The following NIBAN1 variants were observed in gnomAD, a reference collection of about 807,000 sequenced individuals.
NIBAN1 encodes the protein protein Niban 1.
A neutral mutation model predicts 75.1 loss-of-function variants in NIBAN1; 81 were observed. The observed-to-expected ratio is 1.08, with a 90% confidence interval of 0.90 to 1.30. NIBAN1 has a LOEUF of 1.30. NIBAN1 is among the 50% of genes most tolerant of loss of function. NIBAN1 has a pLI of 0.00. For missense variants in NIBAN1, 1,133 were observed against 1,128.1 expected (o/e 1.00, Z -0.06); for synonymous variants, 436 against 424.8 (o/e 1.03, Z -0.32).
In NIBAN1 at chr1:184,899,389, C is replaced by T. The variant is rs1571557862; in HGVS notation, c.56-80G>A. 5.5e-6 allele frequency: 8 copies of T among 1,444,334 alleles called. No individual in the cohort carries two copies. In the East Asian group the frequency reaches 1.7e-4, roughly 30 times the overall value. The allele number at this position is 1,444,334 out of a possible 1,614,324, so 89.5% of individuals were successfully genotyped here. A position where few individuals can be genotyped will look rare whatever the true frequency, so the allele number is the denominator to read the frequency against. On this transcript the variant is annotated intron_variant, in intron 1 of 13. Transcript: ENST00000367511. ...CTACAGAGTTCCAAAAACCATCCCT[C>T]CAGTCTCTCTGTTTCTATCCCTCCA...
Position 184,823,493 on chromosome 1 carries a change from G to A in NIBAN1, c.822+145C>T, listed in dbSNP as rs369239659. The A allele has an allele frequency of 8.1e-6, 10 of 1,232,390 alleles. 1 individual carries two copies. The African/African-American group carries it at 1.2e-4, about 15-fold the overall frequency. The allele number at this position is 1,232,390 out of a possible 1,614,324, so 76.3% of individuals were successfully genotyped here. ...GGAGTCTGTTTGGAACAGTCTTCTT[G>A]TAAGTGAGACTCAGCAGGTTCGAAG... On this transcript the variant is annotated intron_variant, in intron 7 of 13. Coordinates refer to ENST00000367511, the MANE Select transcript of NIBAN1 (RefSeq NM_052966.4).
intron 5 of NIBAN1, among the ~76,000 whole-genome samples, chr1:184,855,717 G>A (rs1571521479): frequency 1.3e-5 from 2 of 152,010 alleles, no homozygotes; most frequent in Admixed American, 6.6e-5. Context: ...CATTGGCCCC[G>A]AACTAGAATA....
At chr1:184,810,019 C>T (rs1040312310) in intron 9 of NIBAN1, among the ~76,000 whole-genome samples, 2 of 151,838 alleles carry the variant, frequency 1.3e-5, no homozygotes, top group Non-Finnish European at 2.9e-5. Context: ...ACACGAGTTG[C>T]TTGAGGGGAG....
chr1:184,922,293 T>C (rs1657575014), intron 1 of NIBAN1, among the ~76,000 whole-genome samples: 1 of 152,214 alleles, frequency 6.6e-6, no homozygotes, highest in Non-Finnish European at 1.5e-5. Flanking sequence ...CAATAAATTA[T>C]TGTTGACTGT....
At chr1:184,924,938 T>C (rs77221036) in intron 1 of NIBAN1, among the ~76,000 whole-genome samples, 2,950 of 152,236 alleles carry the variant, frequency 0.019, 51 homozygotes, top group South Asian at 0.047. Flanking sequence ...TGACTAAAGT[T>C]TGTCAATTTT....
chr1:184,831,897 C>A lies in NIBAN1; in HGVS notation c.667G>T (p.Glu223Ter). 6.2e-7 allele frequency: 1 copy of A among 1,614,152 alleles called. No homozygotes were observed. Among genetic ancestry groups the A allele is most frequent in the Non-Finnish European group, 8.5e-7 (1 of 1,180,016 alleles). ...TCCCAGGAACCATAGTGACCCTTCT[C>A]CTGTCGGAAGAATTGCACAGCTTCT... ...FLEAVQFFRQ[E>*]KGHYGSWEMI... The change falls in exon 6 of 14, where the codon GAG becomes TAG. Residue 223 changes from glutamate (E) to a stop codon, truncating the protein, a stop_gained. Coordinates refer to ENST00000367511, the MANE Select transcript of NIBAN1 (RefSeq NM_052966.4). LOFTEE classifies it high-confidence loss of function.
intron 3 of NIBAN1, 25 bp downstream of exon 3, chr1:184,894,050 C>A (rs1426845471): frequency 6.3e-7 from 1 of 1,581,322 alleles, no homozygotes; most frequent in Non-Finnish European, 8.6e-7. Context: ...GTGTAAGAAT[C>A]AGTAGTAACA....
At position 184,885,632 on chromosome 1, in the gene NIBAN1, C is replaced by T. The variant is rs140843940; in HGVS notation, c.434-832G>A. Among the ~76,000 whole-genome samples the T allele has an allele frequency of 1.0e-3, 156 of 152,280 alleles. 1 individual carries two copies. The highest frequency in any genetic ancestry group is 3.4e-3 in the African/African-American group (140 of 41,558). ...CAACAGGGCAGCTCTCTGCCCTGCACTCTCTCCCTCCTCCCTGTCACTGCC... is the reference window on the plus strand; with the variant it reads ...CAACAGGGCAGCTCTCTGCCCTGCATTCTCTCCCTCCTCCCTGTCACTGCC... On this transcript the variant is annotated intron_variant, in intron 4 of 13. Coordinates refer to ENST00000367511, the MANE Select transcript of NIBAN1 (RefSeq NM_052966.4).
chr1:184,910,923 T>C (rs935943886), intron 1 of NIBAN1, among the ~76,000 whole-genome samples: 2 of 152,216 alleles, frequency 1.3e-5, no homozygotes, highest in South Asian at 2.1e-4. Context: ...CACTGGAGCA[T>C]GGGTTCTTCC....
chr1:184,876,325 T>C (rs1319241125), intron 5 of NIBAN1, among the ~76,000 whole-genome samples: 1 of 151,976 alleles, frequency 6.6e-6, no homozygotes, highest in East Asian at 1.9e-4. Context: ...TGAGAGGATA[T>C]TATGCCACCA....
intron 5 of NIBAN1, among the ~76,000 whole-genome samples, chr1:184,843,670 G>T (rs1395978282): frequency 2.0e-5 from 3 of 152,162 alleles, no homozygotes; most frequent in African/African-American, 7.2e-5. Context: ...TGTATGGGAA[G>T]ATTTGTATTC....
chr1:184,802,260 A>G (rs1341823527), intron 12 of NIBAN1, among the ~76,000 whole-genome samples: 3 of 152,196 alleles, frequency 2.0e-5, no homozygotes, highest in Non-Finnish European at 2.9e-5. Flanking sequence ...AAAAAATTAC[A>G]AGAGCCTCTT....
chr1:184,814,664 C>G (rs1654477138), intron 9 of NIBAN1, among the ~76,000 whole-genome samples: 1 of 152,148 alleles, frequency 6.6e-6, no homozygotes, highest in African/African-American at 2.4e-5. Flanking sequence ...TTGTAATATC[C>G]AATGTTTTAA....
chr1:184,971,945 AG>A (rs1052072618), intron 1 of NIBAN1, among the ~76,000 whole-genome samples: 2 of 152,248 alleles, frequency 1.3e-5, no homozygotes, highest in African/African-American at 4.8e-5. Context: ...CTAAATCCTA[AG>A]AAACAATGTA....
chr1:184,887,474 A>T (rs1171755862), intron 4 of NIBAN1, among the ~76,000 whole-genome samples: 1 of 152,188 alleles, frequency 6.6e-6, no homozygotes, highest in African/African-American at 2.4e-5. Flanking sequence ...ACAGCTACTA[A>T]GATCTGTCCA....
At chr1:184,814,571 C>A (rs530531463) in intron 9 of NIBAN1, among the ~76,000 whole-genome samples, 35 of 152,310 alleles carry the variant, frequency 2.3e-4, no homozygotes, top group Non-Finnish European at 4.7e-4. Flanking sequence ...CCCTCTCCAT[C>A]AGAGTCATGT....
intron 5 of NIBAN1, among the ~76,000 whole-genome samples, chr1:184,863,170 T>C (rs937495267): frequency 1.3e-5 from 2 of 152,234 alleles, no homozygotes; most frequent in Non-Finnish European, 2.9e-5. Context: ...CAATGTTCTC[T>C]GCCCTATGAA....
Position 184,794,720 on chromosome 1 carries a change from C to G in NIBAN1, c.*257G>C. The stretch of plus-strand genomic sequence containing the variant: ...CTATTCCCTCCTCAGACATCCTCAG[C>G]TCCCTCTCACCCCAAGTATGCCATT... On this transcript the variant is annotated 3_prime_UTR_variant, in exon 14 of 14. Coordinates refer to ENST00000367511, the MANE Select transcript of NIBAN1 (RefSeq NM_052966.4). 1.8e-6 allele frequency: 1 copy of G among 548,526 alleles called. No individual in the cohort carries two copies. The allele number at this position is 548,526 out of a possible 1,614,324, so 34.0% of individuals were successfully genotyped here.
chr1:184,905,083 G>A (rs913307890), intron 1 of NIBAN1, among the ~76,000 whole-genome samples: 1 of 152,152 alleles, frequency 6.6e-6, no homozygotes, highest in Non-Finnish European at 1.5e-5. Context: ...TGCCAGGGCT[G>A]ATCCTGGAGG....
Sources: allele counts gnomAD v4.1 joint callset (sites outside exome capture counted in the v4.1 genomes callset), GRCh38; gene constraint gnomAD v4.1.1; transcripts MANE v1.5; gene names NCBI Gene and HGNC (gene_info 2026-07-23, HGNC 2026-07-21).